FIG4: variants seen among roughly 807,000 people sequenced by gnomAD.
FIG4 encodes polyphosphoinositide phosphatase.
A neutral mutation model predicts 118.6 loss-of-function variants in FIG4; 112 were observed. The ratio of observed to expected loss-of-function variants is 0.94; its 90% CI spans 0.81 to 1.11. The LOEUF is 1.11. FIG4 is among the 50% of genes least tolerant of loss of function. The pLI is 0.00. For missense variants in FIG4, 969 were observed against 1,111.7 expected, an observed-to-expected ratio of 0.87 and a Z score of 1.83; for synonymous variants, 369 against 381.2, an observed-to-expected ratio of 0.97 and a Z score of 0.37.
rs1778294659 is a variant in FIG4, at chr6:109,796,635, G to GTAC, written c.2460-128_2460-126dup. The GTAC allele has an allele frequency of 4.0e-6, 3 of 747,036 alleles. No individual in the cohort carries two copies. The South Asian group carries it at 4.2e-5, about 10-fold the overall frequency. The allele number at this position is 747,036 out of a possible 1,614,324, so 46.3% of individuals were successfully genotyped here. ...CAGGCAAAGTCTTATGTTACATACA[G>GTAC]TACTCTTAGGTGTTTTTCTGAAATA... On this transcript the variant is annotated intron_variant, in intron 21 of 22. Coordinates refer to ENST00000230124, the MANE Select transcript of FIG4 (RefSeq NM_014845.6).
intron 10 of FIG4, among the ~76,000 whole-genome samples, chr6:109,753,754 G>T (rs1444506614): frequency 3.3e-5 from 5 of 152,106 alleles, no homozygotes; most frequent in Non-Finnish European, 7.4e-5. Context: ...TGTTATTGGT[G>T]TATAAGAATG....
intron 1 of FIG4, among the ~76,000 whole-genome samples, chr6:109,692,228 G>A (rs1464405701): frequency 2.0e-5 from 3 of 152,222 alleles, no homozygotes; most frequent in Non-Finnish European, 4.4e-5. Context: ...TGGGTGGAAA[G>A]CAAAGTTGGT....
At chr6:109,744,885 G>A (rs746819617) in intron 10 of FIG4, among the ~76,000 whole-genome samples, 1 of 149,980 alleles carries the variant, frequency 6.7e-6, no homozygotes, top group Non-Finnish European at 1.5e-5. Flanking sequence ...GTGAGAACAT[G>A]GCAGTTTTTG....
chr6:109,785,358 A>G (rs1178694756), intron 17 of FIG4, among the ~76,000 whole-genome samples: 2 of 152,160 alleles, frequency 1.3e-5, no homozygotes, highest in Non-Finnish European at 2.9e-5. Context: ...ATTTCTACAT[A>G]TTTTGGGAGA....
At chr6:109,715,027 G>A (rs970028065) in intron 1 of FIG4, 51 bp from the exon 2 acceptor site, 9 of 1,027,876 alleles carry the variant, frequency 8.8e-6, no homozygotes, top group African/African-American at 4.7e-5. Context: ...TATAAAATGT[G>A]TATAGGGCAA....
chr6:109,693,593 G>A (rs1774617149), intron 1 of FIG4, among the ~76,000 whole-genome samples: 1 of 152,142 alleles, frequency 6.6e-6, no homozygotes, highest in Non-Finnish European at 1.5e-5. Context: ...TCCAGCTTCT[G>A]GAAAAGCAGG....
At chr6:109,762,818 G>A (rs1398070165) in intron 12 of FIG4, among the ~76,000 whole-genome samples, 1 of 151,944 alleles carries the variant, frequency 6.6e-6, no homozygotes, top group Admixed American at 6.6e-5. Context: ...CCATGACAGG[G>A]GTCCCCCAAG....
At chr6:109,743,376 T>C (rs1776385067) in intron 9 of FIG4, 104 bp downstream of exon 9, 1 of 1,142,424 alleles carries the variant, frequency 8.8e-7, no homozygotes, top group Non-Finnish European at 1.3e-6. Flanking sequence ...CAGGAGGTTT[T>C]AGTCCTGGAA....
chr6:109,767,009 TAAAAC>T, intron 15 of FIG4, 114 bp downstream of exon 15: 1 of 843,618 alleles, frequency 1.2e-6, no homozygotes. Flanking sequence ...AAAGTTTAAA[TAAAAC>T]AGTCTGTCAC....
intron 7 of FIG4, 80 bp downstream of exon 7, chr6:109,738,533 A>G: frequency 7.6e-6 from 10 of 1,323,196 alleles, no homozygotes; most frequent in South Asian, 3.5e-5. Context: ...CATATGAATT[A>G]TATGATTATA....
chr6:109,806,860 G>C (rs1341039942), intron 22 of FIG4, among the ~76,000 whole-genome samples: 1 of 152,050 alleles, frequency 6.6e-6, no homozygotes, highest in Non-Finnish European at 1.5e-5. Context: ...TGCAGTGTTT[G>C]GTTTTCTGTT....
chr6:109,808,352 A>C (rs1228912789), intron 22 of FIG4, among the ~76,000 whole-genome samples: 1 of 60,512 alleles, frequency 1.7e-5, no homozygotes, highest in Non-Finnish European at 3.4e-5. Context: ...ACTCACAGCA[A>C]AAAAAAAAAA....
intron 10 of FIG4, among the ~76,000 whole-genome samples, chr6:109,756,453 C>A (rs1776905432): frequency 6.6e-6 from 1 of 151,758 alleles, no homozygotes; most frequent in South Asian, 2.1e-4. Flanking sequence ...TTGTGGTGTT[C>A]TCTGTATTTC....
chr6:109,764,443 G>GAAAAAAAAA (rs71018365), intron 13 of FIG4, among the ~76,000 whole-genome samples: 1 of 128,832 alleles, frequency 7.8e-6, no homozygotes, highest in Non-Finnish European at 1.7e-5. Flanking sequence ...GTCTCAGAAA[G>GAAAAAAAAA]AAAAAAAAAA....
Position 109,796,179 on chromosome 6 carries a change from AG to A in FIG4, c.2460-585del, listed in dbSNP as rs1393346639. Among the ~76,000 whole-genome samples the A allele has an allele frequency of 2.0e-5, 3 of 152,202 alleles. No individual in the cohort carries two copies. In the East Asian group the frequency reaches 5.8e-4, roughly 29 times the overall value. ...AGGTCATATGGCCGTTGTGCTCATC[AG>A]TGGGTCTCCCCAACCTTGGTTGAAA... On this transcript the variant is annotated intron_variant, in intron 21 of 22. Transcript: ENST00000230124.
intron 1 of FIG4, among the ~76,000 whole-genome samples, chr6:109,711,363 C>T (rs972568558): frequency 2.6e-5 from 4 of 152,126 alleles, no homozygotes; most frequent in African/African-American, 9.7e-5. Flanking sequence ...TGCGCCACTG[C>T]ACTCCAGGCT....
chr6:109,789,675 G>T lies in FIG4; in HGVS notation c.2178G>T (p.Leu726Phe). The T allele has an allele frequency of 1.9e-6, 3 of 1,605,960 alleles. No individual in the cohort carries two copies. The highest frequency in any genetic ancestry group is 2.6e-6 in the Non-Finnish European group (3 of 1,172,734). The stretch of plus-strand genomic sequence containing the variant: ...CAGATGAAACTGGAAAATCAGTATT[G>T]GGGTAAGATTTGTGTATAGAACGAA... ...RKPDETGKSV[L>F]GNKSNREEAV... Residue 726 changes from leucine (L) to phenylalanine (F), a missense_variant and splice_region_variant, in exon 19 of 23, where the codon TTG (leucine) becomes TTT (phenylalanine). Leu to Phe is a conservative substitution (Grantham distance 22, BLOSUM62 0). Coordinates refer to ENST00000230124, the MANE Select transcript of FIG4 (RefSeq NM_014845.6).
chr6:109,706,506 A>G (rs1775070933), intron 1 of FIG4, among the ~76,000 whole-genome samples: 1 of 152,200 alleles, frequency 6.6e-6, no homozygotes. Context: ...GACTACTAAC[A>G]GATTGGCGCA....
chr6:109,794,938 C>T (rs531881272), intron 21 of FIG4, among the ~76,000 whole-genome samples: 2 of 152,158 alleles, frequency 1.3e-5, no homozygotes, highest in African/African-American at 2.4e-5. Flanking sequence ...CACCTTTGGA[C>T]GCCTAAGGAT....
Sources: allele counts gnomAD v4.1 joint callset (sites outside exome capture counted in the v4.1 genomes callset), GRCh38; gene constraint gnomAD v4.1.1; transcripts MANE v1.5; gene names NCBI Gene and HGNC (gene_info 2026-07-23, HGNC 2026-07-21).